Variants in NINJ2 observed in about 807,000 individuals in gnomAD.
NINJ2 encodes ninjurin 2.
NINJ2 carries 12 observed loss-of-function variants against 11.7 expected under a neutral mutation model. The observed-to-expected ratio is 1.02, with a 90% CI of 0.66 to 1.66. NINJ2 has a LOEUF of 1.66. Among genes scored for constraint, NINJ2 ranks in the 40% most tolerant of loss-of-function variants. The probability of loss-of-function intolerance (pLI) is 0.00; values close to 1 mark genes in which losing one functional copy is unlikely to be tolerated. For synonymous variants in NINJ2, 93 were observed against 76.8 expected, an observed-to-expected ratio of 1.21 and a Z score of -1.10; for missense variants, 187 against 181.8, an observed-to-expected ratio of 1.03 and a Z score of -0.16.
intron 1 of NINJ2, among the ~76,000 whole-genome samples, chr12:596,780 C>T (rs1409502103): frequency 2.6e-5 from 4 of 151,902 alleles, no homozygotes; most frequent in East Asian, 1.9e-4. Flanking sequence ...AAAAATTAGC[C>T]GGGCGTGGCG....
At position 633,570 on chromosome 12, in the gene NINJ2, C is replaced by G. The variant is rs1042913225; in HGVS notation, c.33+29758G>C. ...GTGGCCCATGCCCGTAATCCCAGCACTTTGGGAGGCTGAGGCAGGCAGATC... is the reference window on the plus strand; with the variant it reads ...GTGGCCCATGCCCGTAATCCCAGCAGTTTGGGAGGCTGAGGCAGGCAGATC... On this transcript the variant is annotated intron_variant, in intron 1 of 3. Transcript: ENST00000305108. This position sits in a 1 kb window ranked among gnomAD's most constrained non-coding sequence, Gnocchi z 4.3. Among the ~76,000 whole-genome samples, 33 of 152,126 alleles carry G rather than the reference C, an allele frequency of 2.2e-4. No individual in the cohort carries two copies. Among genetic ancestry groups the G allele is most frequent in the African/African-American group, 8.0e-4 (33 of 41,430 alleles).
intron 1 of NINJ2, among the ~76,000 whole-genome samples, chr12:571,541 C>T (rs1032902926): frequency 6.6e-6 from 1 of 152,254 alleles, no homozygotes; most frequent in East Asian, 1.9e-4. Context: ...CCTCCTCTCT[C>T]GTTCCAGCTC....
At chr12:618,952 T>C (rs1450524203) in intron 1 of NINJ2, among the ~76,000 whole-genome samples, 1 of 152,180 alleles carries the variant, frequency 6.6e-6, no homozygotes, top group Non-Finnish European at 1.5e-5. Flanking sequence ...TGGTCTCGTG[T>C]ATTCTCCATG....
In NINJ2 at chr12:565,931, T is replaced by G; in HGVS notation, c.262+19A>C. 6 of 1,610,008 alleles carry G rather than the reference T, an allele frequency of 3.7e-6. No homozygotes were observed. The highest frequency in any genetic ancestry group is 5.1e-6 in the Non-Finnish European group (6 of 1,176,236). On this transcript the variant is annotated intron_variant, in intron 2 of 3. Coordinates refer to ENST00000305108, the MANE Select transcript of NINJ2 (RefSeq NM_016533.6). ...CGGGTGCCGAGGCAGAAGGTCTGAC[T>G]GCAGGCTGGGCTCCTCACCAATGAC...
rs140717492 is a variant in NINJ2 at position 655,267 on chromosome 12, G to C, written c.33+8061C>G. On this transcript the variant is annotated intron_variant, in intron 1 of 3. Coordinates refer to ENST00000305108, the MANE Select transcript of NINJ2 (RefSeq NM_016533.6). ...GCTAGGAAGTCCTAGTAAATGCAATGTAGTTCCTTCAGAAAAAGGAAATGA... is the reference window on the plus strand; with the variant it reads ...GCTAGGAAGTCCTAGTAAATGCAATCTAGTTCCTTCAGAAAAAGGAAATGA... 2.0e-5 allele frequency among the ~76,000 whole-genome samples: 3 copies of C among 152,298 alleles called. No individual in the cohort carries two copies. The East Asian group carries it at 5.8e-4, about 29-fold the overall frequency.
Position 612,902 on chromosome 12 carries a change from C to T in NINJ2, c.34-46724G>A, listed in dbSNP as rs188528453. Among the ~76,000 whole-genome samples, 12 of 152,318 alleles carry T rather than the reference C, an allele frequency of 7.9e-5. No homozygotes were observed. The East Asian group carries it at 1.9e-3, about 24-fold the overall frequency. ...TCCTGAGGTGAACTAGGTAGATAGA[C>T]AGATTGATCGCCTGATCGGCTGATT... On this transcript the variant is annotated intron_variant, in intron 1 of 3. Transcript: ENST00000305108.
chr12:623,434 G>A (rs1948177369), intron 1 of NINJ2, among the ~76,000 whole-genome samples: 1 of 152,192 alleles, frequency 6.6e-6, no homozygotes. Context: ...GTCTGTTAGT[G>A]CTGTGAGTCT....
At chr12:648,984 A>ATCTATCTG (rs540403462) in intron 1 of NINJ2, among the ~76,000 whole-genome samples, 20 of 32,936 alleles carry the variant, frequency 6.1e-4, no homozygotes, top group Admixed American at 3.1e-3. Context: ...CCACCTATCT[A>ATCTATCTG]TCTATCTATC....
At chr12:568,715 T>C (rs1005837013) in intron 1 of NINJ2, among the ~76,000 whole-genome samples, 2 of 152,224 alleles carry the variant, frequency 1.3e-5, no homozygotes, top group Non-Finnish European at 2.9e-5. Context: ...GTCCTCAACT[T>C]CTGGACGGGG....
chr12:641,717 C>T (rs1458426594), intron 1 of NINJ2, among the ~76,000 whole-genome samples: 2 of 151,934 alleles, frequency 1.3e-5, no homozygotes, highest in East Asian at 3.9e-4. Context: ...TGGTGGCGGG[C>T]GCCTGTAGTC....
rs761084929 is a variant in NINJ2, at chr12:566,157, T to G, written c.55A>C (p.Ser19Arg). 5.6e-6 allele frequency: 9 copies of G among 1,613,690 alleles called. No homozygotes were observed. The Admixed American group carries it at 1.3e-4, about 24-fold the overall frequency. Residue 19 changes from serine to arginine, a missense_variant, in exon 2 of 4, where the codon AGC becomes CGC. By Grantham distance (110) the Ser-to-Arg change is moderately radical. Transcript: ENST00000305108. ...DLQPGSSDPR[S>R]QPINLNHYAT... is the part of the protein sequence containing the mutation. ...TAATGGTTCAGGTTGATGGGCTGGC[T>G]CCTGGGGTCGGAGCTTCCAGGCTGT...
intron 1 of NINJ2, among the ~76,000 whole-genome samples, chr12:620,480 G>A (rs1592101659): frequency 6.6e-6 from 1 of 152,346 alleles, no homozygotes; most frequent in Admixed American, 6.5e-5. Flanking sequence ...ATGCACAGAG[G>A]TGCTGCTATA....
chr12:625,868 T>A (rs1211730237), intron 1 of NINJ2, among the ~76,000 whole-genome samples: 1 of 152,220 alleles, frequency 6.6e-6, no homozygotes, highest in African/African-American at 2.4e-5. Context: ...CTATGACTCA[T>A]CTTGTAGATA....
At chr12:573,611 A>C (rs1449138721) in intron 1 of NINJ2, among the ~76,000 whole-genome samples, 1 of 152,124 alleles carries the variant, frequency 6.6e-6, no homozygotes, top group Admixed American at 6.5e-5. Context: ...AAAAACAAAC[A>C]AACAAAAAAA....
intron 1 of NINJ2, among the ~76,000 whole-genome samples, chr12:569,442 G>A (rs1947347880): frequency 6.6e-6 from 1 of 152,190 alleles, no homozygotes; most frequent in Non-Finnish European, 1.5e-5. Context: ...TGGCCTCCCT[G>A]CCCCATGGCT....
intron 1 of NINJ2, among the ~76,000 whole-genome samples, chr12:627,531 G>T (rs928150681): frequency 6.6e-6 from 1 of 152,210 alleles, no homozygotes. Flanking sequence ...GGATTTAGAT[G>T]GATAAAGTGA....
At chr12:631,089 C>G (rs1289831837) in intron 1 of NINJ2, 2 of 152,140 alleles carry the variant, frequency 1.3e-5, no homozygotes, top group Non-Finnish European at 1.5e-5. Context: ...GTCACAGCCT[C>G]GGGCCGGGAC....
At chr12:579,379 C>T (rs961831758) in intron 1 of NINJ2, among the ~76,000 whole-genome samples, 33 of 150,450 alleles carry the variant, frequency 2.2e-4, no homozygotes, top group African/African-American at 7.1e-4. Context: ...TAGGATACAA[C>T]GAAGATCCCT....
At chr12:661,458 G>A (rs1177999983) in intron 1 of NINJ2, among the ~76,000 whole-genome samples, 2 of 152,172 alleles carry the variant, frequency 1.3e-5, no homozygotes, top group East Asian at 3.8e-4. Context: ...GAATTAAATA[G>A]CATATTAGAA....
Sources: gnomAD v4.1 joint callset for allele counts (sites outside exome capture counted in the v4.1 genomes callset) on GRCh38, gnomAD v4.1.1 for gene constraint, Gnocchi (gnomAD v3.1) non-coding constraint, MANE v1.5 for transcripts, NCBI Gene and HGNC (gene_info 2026-07-23, HGNC 2026-07-21) for gene names.